The following FHIT variants were observed in gnomAD, a reference collection of about 807,000 sequenced individuals.
FHIT encodes fragile histidine triad diadenosine triphosphatase.
A neutral mutation model predicts 17.9 loss-of-function variants in FHIT; 19 were observed. The observed-to-expected ratio is 1.06, with a 90% CI of 0.74 to 1.56. FHIT has a LOEUF of 1.56. Among genes scored for constraint, FHIT ranks in the 40% most tolerant of loss-of-function variants. FHIT has a pLI of 0.00. For synonymous variants in FHIT, 81 were observed against 69.7 expected (o/e 1.16, Z -0.81); for missense variants, 248 against 189.2 (o/e 1.31, Z -1.82).
chr3:60,763,412 G>A (rs1326210072), intron 4 of FHIT, among the ~76,000 whole-genome samples: 1 of 152,184 alleles, frequency 6.6e-6, no homozygotes, highest in Non-Finnish European at 1.5e-5. Context: ...CATAGCTACT[G>A]TCATCTACCA....
chr3:60,651,605 C>T (rs1290503367), intron 4 of FHIT, among the ~76,000 whole-genome samples: 4 of 151,684 alleles, frequency 2.6e-5, no homozygotes, highest in African/African-American at 9.7e-5. Context: ...ATTTAATTCA[C>T]TAAAGCTTAA....
At chr3:60,176,059 A>T (rs115449751) in intron 5 of FHIT, among the ~76,000 whole-genome samples, 1,779 of 152,354 alleles carry the variant, frequency 0.012, 27 homozygotes, top group Middle Eastern at 0.075. Context: ...TTAAATTTAA[A>T]TAGCCACATG....
chr3:60,667,274 G>T (rs907808988), intron 4 of FHIT, among the ~76,000 whole-genome samples: 1 of 151,558 alleles, frequency 6.6e-6, no homozygotes, highest in Non-Finnish European at 1.5e-5. Flanking sequence ...AGATCTCTGG[G>T]GTCCTGTTCA....
intron 2 of FHIT, among the ~76,000 whole-genome samples, chr3:61,051,263 G>A (rs2034015133): frequency 1.3e-5 from 2 of 151,688 alleles, no homozygotes; most frequent in Admixed American, 1.3e-4. Context: ...TTGTTTGTTT[G>A]TTTGTTTGTT....
intron 5 of FHIT, among the ~76,000 whole-genome samples, chr3:60,341,425 C>G (rs1710510262): frequency 6.6e-6 from 1 of 152,164 alleles, no homozygotes; most frequent in Non-Finnish European, 1.5e-5. Context: ...CTACAGAAGC[C>G]TGGAGAACCA....
chr3:60,160,264 G>A (rs564502951), intron 5 of FHIT, among the ~76,000 whole-genome samples: 3 of 152,072 alleles, frequency 2.0e-5, no homozygotes, highest in Non-Finnish European at 4.4e-5. Flanking sequence ...TAGAGATTCC[G>A]AAGTGATGAT....
At chr3:60,637,159 A>T (rs937356772) in intron 4 of FHIT, among the ~76,000 whole-genome samples, 4 of 152,210 alleles carry the variant, frequency 2.6e-5, no homozygotes, top group Non-Finnish European at 5.9e-5. Context: ...AAAAAAAAAG[A>T]CTCAGCAAAA....
chr3:59,897,888 T>A (rs1011020727), intron 8 of FHIT, among the ~76,000 whole-genome samples: 20 of 151,886 alleles, frequency 1.3e-4, no homozygotes, highest in African/African-American at 4.8e-4. Flanking sequence ...TGCCTCAGCC[T>A]CCCGAGTAGC....
intron 4 of FHIT, among the ~76,000 whole-genome samples, chr3:60,609,549 A>T (rs1553672621): frequency 1.3e-5 from 2 of 150,970 alleles, no homozygotes; most frequent in East Asian, 3.9e-4. Context: ...CTGGTCTTGA[A>T]CTCCTGACCT....
At chr3:60,256,381 T>C (rs1705993324) in intron 5 of FHIT, among the ~76,000 whole-genome samples, 1 of 152,196 alleles carries the variant, frequency 6.6e-6, no homozygotes, top group African/African-American at 2.4e-5. Context: ...CCTTTTAAGA[T>C]TTCTTAGAAT....
At position 59,871,709 on chromosome 3, in the gene FHIT, A is replaced by G. The variant is rs191424644; in HGVS notation, c.348+50637T>C. 2.7e-3 allele frequency among the ~76,000 whole-genome samples: 412 copies of G among 152,346 alleles called. 3 individuals carry two copies. The highest frequency in any genetic ancestry group is 9.4e-3 in the African/African-American group (392 of 41,582). On this transcript the variant is annotated intron_variant, in intron 8 of 9. Transcript: ENST00000492590. ...GAGAGATTAGCAATGTCTGCCGGGT[A>G]AGACCAGATACACTGGATACCCTTG...
chr3:60,377,406 C>T (rs1003127483), intron 5 of FHIT, among the ~76,000 whole-genome samples: 8 of 151,030 alleles, frequency 5.3e-5, no homozygotes, highest in African/African-American at 1.7e-4. Context: ...ATCCTCCCGC[C>T]TCAGCCTCCC....
intron 7 of FHIT, among the ~76,000 whole-genome samples, chr3:59,986,101 G>C (rs1173215041): frequency 6.6e-6 from 1 of 151,982 alleles, no homozygotes; most frequent in Non-Finnish European, 1.5e-5. Context: ...ACGGCAAAAA[G>C]AAAAAAGCAC....
intron 2 of FHIT, among the ~76,000 whole-genome samples, chr3:61,153,662 C>G (rs928880645): frequency 1.3e-5 from 2 of 152,118 alleles, no homozygotes; most frequent in African/African-American, 4.8e-5. Flanking sequence ...GTAAGGAATG[C>G]TGACCTTCTA....
In FHIT at chr3:59,922,365, T is replaced by C. The variant is rs1320397794; in HGVS notation, c.329A>G (p.Asn110Ser). ...LPRKAGDFHR[N>S]DSIYEELQKH... ...ACCCACCTCCTCATAGATGCTGTCA[T>C]TCCTGTGAAAGTCTCCAGCCTTCCT... is the stretch of plus-strand genomic sequence containing the variant. Residue 110 changes from asparagine to serine, a missense_variant, in exon 8 of 10, where the codon AAT (asparagine) becomes AGT (serine). Coordinates refer to ENST00000492590, the MANE Select transcript of FHIT (RefSeq NM_002012.4). 5 of 1,613,846 alleles carry C rather than the reference T, an allele frequency of 3.1e-6. No homozygotes were observed. Among genetic ancestry groups the C allele is most frequent in the Non-Finnish European group, 4.2e-6 (5 of 1,179,882 alleles).
At chr3:60,867,355 A>G (rs1289633137) in intron 3 of FHIT, among the ~76,000 whole-genome samples, 1 of 152,192 alleles carries the variant, frequency 6.6e-6, no homozygotes, top group Non-Finnish European at 1.5e-5. Flanking sequence ...ATGTATTCAT[A>G]TTCACATACA....
intron 5 of FHIT, among the ~76,000 whole-genome samples, chr3:60,443,236 T>C (rs1202522515): frequency 3.9e-5 from 6 of 152,184 alleles, no homozygotes; most frequent in Admixed American, 3.9e-4. Context: ...CAATTTGACT[T>C]CCTCTTTTCC....
chr3:59,896,825 C>T (rs115501484), intron 8 of FHIT, among the ~76,000 whole-genome samples: 15 of 152,096 alleles, frequency 9.9e-5, no homozygotes, highest in African/African-American at 3.4e-4. Flanking sequence ...GGCAAGAATA[C>T]GAGTATGACA....
At chr3:61,051,581 G>A (rs917934845) in intron 2 of FHIT, among the ~76,000 whole-genome samples, 5 of 152,042 alleles carry the variant, frequency 3.3e-5, no homozygotes, top group African/African-American at 1.2e-4. Flanking sequence ...TATCTCACTG[G>A]CTAAAATACT....
Sources: gnomAD v4.1 joint callset for allele counts (sites outside exome capture counted in the v4.1 genomes callset) on GRCh38, gnomAD v4.1.1 for gene constraint, MANE v1.5 for transcripts, NCBI Gene and HGNC (gene_info 2026-07-23, HGNC 2026-07-21) for gene names.